SETSIP: variants seen among roughly 807,000 people sequenced by gnomAD.
SETSIP encodes protein SETSIP.
In SETSIP, 15 loss-of-function variants were observed where a neutral mutation model predicts 21.9. That is an observed-to-expected ratio of 0.69 (90% confidence interval 0.46 to 1.06). The LOEUF (loss-of-function observed/expected upper bound fraction) is 1.06, where lower values mean the gene tolerates loss of function less well. Ranked by LOEUF, SETSIP falls within the 50% of genes least tolerant of loss-of-function variation. The probability of loss-of-function intolerance (pLI) is 0.00; values close to 1 mark genes in which losing one functional copy is unlikely to be tolerated. For synonymous variants in SETSIP, 101 were observed against 121.2 expected (o/e 0.83, Z 1.09); for missense variants, 310 against 337.4 (o/e 0.92, Z 0.64).
At chr1:92,074,739 T>C in exon 1 of SETSIP, 2 of 1,608,316 alleles carry the variant, frequency 1.2e-6, no homozygotes, top group East Asian at 2.2e-5. Context: ...TTTGGCCAAA[T>C]ATCATCTTTG....
At chr1:92,074,999 T>A in exon 1 of SETSIP, 1 of 1,611,554 alleles carries the variant, frequency 6.2e-7, no homozygotes, top group Non-Finnish European at 8.5e-7. Context: ...AAAATAAAAA[T>A]CTATTCTGTA....
exon 1 of SETSIP, chr1:92,074,677 T>C: frequency 6.3e-7 from 1 of 1,589,866 alleles, no homozygotes; most frequent in Non-Finnish European, 8.5e-7. Flanking sequence ...CATCATCATC[T>C]TCTCCTCCTT....
rs993552089 is a variant in SETSIP at position 92,075,376 on chromosome 1, T to C, written c.36A>G (p.Gln12=). ...CAGGAGGTGGTCTTGGTTTCTTCTT[T>C]TGAAGTGGGAGTGGAGACTGGCGTT... is the stretch of plus-strand genomic sequence containing the variant. Residue 12 remains glutamine (Q), a synonymous_variant, in exon 1 of 1, where the codon CAA becomes CAG. Transcript: ENST00000596516. 26 of 1,604,702 alleles carry C rather than the reference T, an allele frequency of 1.6e-5. No homozygotes were observed. In the African/African-American group the frequency reaches 3.3e-4, roughly 21 times the overall value.
In SETSIP at chr1:92,074,676, C is replaced by CT; in HGVS notation, c.735dup (p.Asp246ArgfsTer2). On this transcript the variant is annotated frameshift_variant, in exon 1 of 1. Coordinates refer to ENST00000596516, the Ensembl canonical transcript of SETSIP. LOFTEE classifies it high-confidence loss of function. ...CCATCATCATCATCATCATCATCAT[C>CT]TTCTCCTCCTTCTTCATCATCCATA... 6.3e-7 allele frequency: 1 copy of CT among 1,589,148 alleles called. No homozygotes were observed. Among genetic ancestry groups the CT allele is most frequent in the Non-Finnish European group, 8.5e-7 (1 of 1,172,510 alleles).
exon 1 of SETSIP, chr1:92,074,597 C>A: frequency 6.4e-7 from 1 of 1,565,572 alleles, no homozygotes; most frequent in South Asian, 1.2e-5. Flanking sequence ...ATCTTCTTCA[C>A]CTTCATCCTC....
chr1:92,074,653 AT>A lies in SETSIP; in HGVS notation c.758del (p.Asp253ValfsTer9). ...CTAATTCTTCCTCCCCTTCATCACC[AT>A]CATCATCATCATCATCATCATCTTC... On this transcript the variant is annotated frameshift_variant, in exon 1 of 1. Transcript: ENST00000596516. LOFTEE classifies it high-confidence loss of function. 3 of 1,523,334 alleles carry A rather than the reference AT, an allele frequency of 2.0e-6. No homozygotes were observed. Among genetic ancestry groups the A allele is most frequent in the South Asian group, 1.3e-5 (1 of 76,538 alleles). The allele number at this position is 1,523,334 out of a possible 1,614,324, so 94.4% of individuals were successfully genotyped here.
At chr1:92,074,551 A>G (rs927390206) in exon 1 of SETSIP, 18 of 1,574,592 alleles carry the variant, frequency 1.1e-5, no homozygotes, top group East Asian at 4.5e-5. Context: ...CTTCTCCTTC[A>G]TCCTCCTCTC....
chr1:92,074,873 G>T (rs540986840), exon 1 of SETSIP: 1 of 1,611,504 alleles, frequency 6.2e-7, no homozygotes, highest in Non-Finnish European at 8.5e-7. Context: ...TGAACGTTTC[G>T]TCACATCCTT....
At chr1:92,074,741 T>C (rs1179453933) in exon 1 of SETSIP, 3 of 1,608,320 alleles carry the variant, frequency 1.9e-6, no homozygotes, top group Admixed American at 3.4e-5. Context: ...TGGCCAAATA[T>C]CATCTTTGAT....
exon 1 of SETSIP, chr1:92,074,781 C>A: frequency 6.2e-7 from 1 of 1,610,954 alleles, no homozygotes; most frequent in East Asian, 2.2e-5. Context: ...GCACCTGCAT[C>A]AGAATGATCA....
chr1:92,074,939 A>G, exon 1 of SETSIP: 1 of 1,611,734 alleles, frequency 6.2e-7, no homozygotes. Context: ...ACTCTCATTC[A>G]GATGAAATTC....
exon 1 of SETSIP, chr1:92,075,016 T>A (rs1019976513): frequency 6.2e-7 from 1 of 1,611,698 alleles, no homozygotes; most frequent in Non-Finnish European, 8.5e-7. Flanking sequence ...TGTAACCTGA[T>A]TTAATATCTT....
At chr1:92,074,959 A>C in exon 1 of SETSIP, 1 of 1,611,558 alleles carries the variant, frequency 6.2e-7, no homozygotes, top group Admixed American at 1.7e-5. Context: ...CTTTGGAGAA[A>C]ACTTTATTTT....
exon 1 of SETSIP, chr1:92,075,106 A>T: frequency 6.2e-7 from 1 of 1,611,906 alleles, no homozygotes; most frequent in South Asian, 1.1e-5. Flanking sequence ...ACACTTGTGG[A>T]TGGTTGACAA....
At position 92,075,382 on chromosome 1, in the gene SETSIP, T is replaced by G. The variant is rs1030451398; in HGVS notation, c.30A>C (p.Pro10=). The change falls in exon 1 of 1, where the codon CCA becomes CCC. Residue 10 remains proline (P), a synonymous_variant. Coordinates refer to ENST00000596516, the Ensembl canonical transcript of SETSIP. ...GTGGTCTTGGTTTCTTCTTTTGAAG[T>G]GGGAGTGGAGACTGGCGTTTAGGGG... 11 of 1,601,814 alleles carry G rather than the reference T, an allele frequency of 6.9e-6. No homozygotes were observed. In the African/African-American group the frequency reaches 1.3e-4, roughly 20 times the overall value.
At chr1:92,074,634 C>T in exon 1 of SETSIP, 1 of 1,571,850 alleles carries the variant, frequency 6.4e-7, no homozygotes, top group Non-Finnish European at 8.6e-7. Context: ...TCTTCTAATT[C>T]TTCCTCCCCT....
chr1:92,075,333 T>C, exon 1 of SETSIP: 1 of 1,611,674 alleles, frequency 6.2e-7, no homozygotes, highest in Non-Finnish European at 8.5e-7. Context: ...GAGGCCGATG[T>C]CTCCTCCAGT....
chr1:92,074,943 G>T lies in SETSIP; in HGVS notation c.469C>A (p.His157Asn), dbSNP rs556693416. The T allele has an allele frequency of 1.7e-4, 280 of 1,611,488 alleles. 1 individual carries two copies. The highest frequency in any genetic ancestry group is 2.3e-4 in the Non-Finnish European group (273 of 1,179,836). Reference sequence around the variant, plus strand: ...GATGGATCACCACTCTCATTCAGATGAAATTCTTTGGAGAAAACTTTATTT... The same window carrying T: ...GATGGATCACCACTCTCATTCAGATTAAATTCTTTGGAGAAAACTTTATTT... The change falls in exon 1 of 1, where the codon CAT (histidine) becomes AAT (asparagine). Residue 157 changes from histidine to asparagine, a missense_variant. Physicochemically the swap from His to Asn is moderately conservative, Grantham distance 68 (BLOSUM62 1). Coordinates refer to ENST00000596516, the Ensembl canonical transcript of SETSIP.
exon 1 of SETSIP, chr1:92,074,752 G>T (rs1570704977): frequency 6.2e-7 from 1 of 1,609,462 alleles, no homozygotes; most frequent in Admixed American, 1.7e-5. Context: ...CATCTTTGAT[G>T]ACCTCTTCTA....
Sources: gnomAD v4.1 joint callset for allele counts on GRCh38, gnomAD v4.1.1 for gene constraint, MANE v1.5 for transcripts, NCBI Gene and HGNC (gene_info 2026-07-23, HGNC 2026-07-21) for gene names.